PIK3C2A: variants seen among roughly 807,000 people sequenced by gnomAD.
The protein encoded by PIK3C2A is phosphatidylinositol 4-phosphate 3-kinase C2 domain-containing subunit alpha.
In PIK3C2A, 97 loss-of-function variants were observed where a neutral mutation model predicts 204.5. That is an observed-to-expected ratio of 0.47 (90% CI 0.40 to 0.56). The LOEUF (loss-of-function observed/expected upper bound fraction) is 0.56. Among genes scored for constraint, PIK3C2A ranks in the 20% least tolerant of loss-of-function variants. PIK3C2A has a pLI of 0.00. For missense variants in PIK3C2A, 1,735 were observed against 1,969.2 expected, an observed-to-expected ratio of 0.88 and a Z score of 2.25; for synonymous variants, 653 against 664.4, an observed-to-expected ratio of 0.98 and a Z score of 0.26.
rs533483647 is a variant in PIK3C2A, at chr11:17,136,979, T to C, written c.1705-354A>G. On this transcript the variant is annotated intron_variant, in intron 8 of 32. Transcript: ENST00000691414. ...TTCCACATTGAAAATAACCCTTCTC[T>C]TCCTCCTGCAAAAATATGGTATCAA... 2.0e-5 allele frequency among the ~76,000 whole-genome samples: 3 copies of C among 152,324 alleles called. No homozygotes were observed. In the South Asian group the frequency reaches 6.2e-4, roughly 32 times the overall value.
chr11:17,134,900 A>T lies in PIK3C2A; in HGVS notation c.2027T>A (p.Val676Asp), dbSNP rs760582693. 1 of 1,614,172 alleles carries T rather than the reference A, an allele frequency of 6.2e-7. No individual in the cohort carries two copies. Among genetic ancestry groups the T allele is most frequent in the Admixed American group, 1.7e-5 (1 of 60,022 alleles). The change falls in exon 11 of 33, where the codon GTC (valine) becomes GAC (aspartate). Residue 676 changes from valine to aspartate, a missense_variant. By Grantham distance (152) the Val-to-Asp change is radical. This residue lies in a region of PIK3C2A where 567 missense variants were observed against 576.0 expected (regional missense o/e 0.98). Transcript: ENST00000691414. ...PTDCAQSSKS[V>D]KEAWTTTEQL... ...CTCTGTTGTAGTCCATGCTTCCTTG[A>T]CACTCTTGCTACTTTGGGCACAGTC...
chr11:17,196,554 GT>G (rs1296748291), intron 1 of PIK3C2A, among the ~76,000 whole-genome samples: 1 of 152,074 alleles, frequency 6.6e-6, no homozygotes, highest in African/African-American at 2.4e-5. Context: ...GAATGATTTA[GT>G]TGGGGAGGAT....
At chr11:17,193,850 A>AGG (rs150306845) in intron 1 of PIK3C2A, 577 of 48,834 alleles carry the variant, frequency 0.012, 121 homozygotes, top group Middle Eastern at 0.04. Flanking sequence ...GTCTCAAAAA[A>AGG]AGAAAAGAAA....
intron 3 of PIK3C2A, among the ~76,000 whole-genome samples, chr11:17,151,573 A>T (rs1850427947): frequency 6.6e-6 from 1 of 152,172 alleles, no homozygotes; most frequent in African/African-American, 2.4e-5. Flanking sequence ...AGGTTACCTT[A>T]GATTGAATCC....
At chr11:17,162,499 C>T (rs1336315088) in intron 2 of PIK3C2A, among the ~76,000 whole-genome samples, 1 of 152,202 alleles carries the variant, frequency 6.6e-6, no homozygotes, top group Non-Finnish European at 1.5e-5. Flanking sequence ...CTAACAATTT[C>T]TCCATGCATA....
chr11:17,106,756 A>C (rs1489385478), intron 22 of PIK3C2A, among the ~76,000 whole-genome samples: 2 of 152,146 alleles, frequency 1.3e-5, no homozygotes, highest in East Asian at 3.9e-4. Flanking sequence ...AAACTATTTT[A>C]ATTACAAACA....
chr11:17,167,468 C>A (rs1851004616), intron 2 of PIK3C2A, among the ~76,000 whole-genome samples: 1 of 152,088 alleles, frequency 6.6e-6, no homozygotes, highest in South Asian at 2.1e-4. Flanking sequence ...ACTAAAAATA[C>A]AAAACCAGCC....
rs1197140787 is a variant in PIK3C2A, at chr11:17,087,533, T to G, written c.*2205A>C. 6.6e-6 allele frequency: 1 copy of G among 152,180 alleles called. No homozygotes were observed. The highest frequency in any genetic ancestry group is 2.4e-5 in the African/African-American group (1 of 41,444). 9.4% of individuals were successfully genotyped at this position (152,180 alleles called of 1,614,324 possible). A position where few individuals can be genotyped will look rare whatever the true frequency, so the allele number is the denominator to read the frequency against. On this transcript the variant is annotated 3_prime_UTR_variant, in exon 33 of 33. Transcript: ENST00000691414. ...CTTATAATGGAAGTGACAGGACATT[T>G]TTTAGCTCTATTATTTGTGCTAAAA...
chr11:17,136,152 C>A (rs11024165), intron 9 of PIK3C2A, among the ~76,000 whole-genome samples: 4,428 of 152,222 alleles, frequency 0.029, 84 homozygotes, highest in Non-Finnish European at 0.048. Flanking sequence ...GCTTCCACCC[C>A]AAGGGAGAAG....
intron 1 of PIK3C2A, among the ~76,000 whole-genome samples, chr11:17,202,402 C>CA (rs1852421099): frequency 6.6e-6 from 1 of 151,986 alleles, no homozygotes; most frequent in Non-Finnish European, 1.5e-5. Flanking sequence ...GGCAAAACCC[C>CA]TCCTCTACAA....
At chr11:17,136,723 C>T in intron 8 of PIK3C2A, 98 bp from the exon 9 acceptor site, 1 of 615,022 alleles carries the variant, frequency 1.6e-6, no homozygotes, top group Non-Finnish European at 2.8e-6. Context: ...ATATCCCTAA[C>T]AGATATCCTC....
At chr11:17,129,714 C>T (rs2137373346) in intron 12 of PIK3C2A, among the ~76,000 whole-genome samples, 1 of 152,312 alleles carries the variant, frequency 6.6e-6, no homozygotes, top group South Asian at 2.1e-4. Flanking sequence ...GCCTCCGACT[C>T]TCAAGTAGCT....
chr11:17,107,169 C>T (rs781658446), intron 22 of PIK3C2A, among the ~76,000 whole-genome samples: 2 of 152,004 alleles, frequency 1.3e-5, no homozygotes, highest in African/African-American at 2.4e-5. Flanking sequence ...AAAAATTAGC[C>T]GGGTGTCGTG....
chr11:17,155,832 T>C (rs1850573033), intron 2 of PIK3C2A, among the ~76,000 whole-genome samples: 1 of 152,218 alleles, frequency 6.6e-6, no homozygotes, highest in South Asian at 2.1e-4. Context: ...TCCTTGGTTT[T>C]ACTTGCTCAA....
At chr11:17,134,639 G>A (rs529121730) in intron 11 of PIK3C2A, among the ~76,000 whole-genome samples, 180 bp downstream of exon 11, 87 of 152,282 alleles carry the variant, frequency 5.7e-4, no homozygotes, top group African/African-American at 2.1e-3. Flanking sequence ...GGGATTACAG[G>A]CATGAGCCAC....
At chr11:17,135,219 T>A in intron 9 of PIK3C2A, 60 bp from the exon 10 acceptor site, 1 of 1,530,578 alleles carries the variant, frequency 6.5e-7, no homozygotes, top group East Asian at 2.2e-5. Context: ...ATATAAAATG[T>A]CAAATACTAT....
chr11:17,184,576 T>TA (rs1262886914), intron 1 of PIK3C2A, among the ~76,000 whole-genome samples: 68 of 152,068 alleles, frequency 4.5e-4, no homozygotes, highest in African/African-American at 1.4e-3. Context: ...CGTCAGAAGT[T>TA]AAAAAAAATT....
intron 3 of PIK3C2A, among the ~76,000 whole-genome samples, chr11:17,151,614 T>C (rs1281871715): frequency 6.6e-6 from 1 of 152,178 alleles, no homozygotes; most frequent in Non-Finnish European, 1.5e-5. Context: ...TGTGTGAACT[T>C]ATTCAAGTTA....
intron 18 of PIK3C2A, 36 bp from the exon 19 acceptor site, chr11:17,117,707 GGTTTTTTTTTT>G: frequency 7.5e-6 from 4 of 532,486 alleles, no homozygotes; most frequent in Non-Finnish European, 1.2e-5. Flanking sequence ...GTCACGTCTT[GGTTTTTTTTTT>G]TTTTTTTTTT....
Sources: gnomAD v4.1 joint callset for allele counts (sites outside exome capture counted in the v4.1 genomes callset) on GRCh38, gnomAD v4.1.1 for gene constraint, gnomAD v4.1.1 regional missense constraint, MANE v1.5 for transcripts, NCBI Gene and HGNC (gene_info 2026-07-23, HGNC 2026-07-21) for gene names.